The following RPH3AL variants were observed in gnomAD, a reference collection of about 807,000 sequenced individuals.
RPH3AL encodes rabphilin 3A like (without C2 domains), also known as rab effector Noc2.
A neutral mutation model predicts 43.1 loss-of-function variants in RPH3AL; 38 were observed. The ratio of observed to expected loss-of-function variants is 0.88; its 90% CI spans 0.68 to 1.15. The LOEUF (loss-of-function observed/expected upper bound fraction) is 1.15. Ranked by LOEUF, RPH3AL falls within the 50% of genes most tolerant of loss-of-function variation. The probability of loss-of-function intolerance (pLI) is 0.00; values close to 1 mark genes in which losing one functional copy is unlikely to be tolerated. For synonymous variants in RPH3AL, 189 were observed against 176.3 expected (o/e 1.07, Z -0.57); for missense variants, 462 against 423.2 (o/e 1.09, Z -0.81).
chr17:325,844 C>G (rs1050088319), intron 3 of RPH3AL, among the ~76,000 whole-genome samples: 3 of 152,158 alleles, frequency 2.0e-5, no homozygotes, highest in African/African-American at 7.2e-5. Flanking sequence ...CCCTGAGGGT[C>G]CCACGGGACA....
chr17:228,154 G>A (rs2041147974), intron 7 of RPH3AL, among the ~76,000 whole-genome samples: 1 of 152,182 alleles, frequency 6.6e-6, no homozygotes, highest in Admixed American at 6.5e-5. Flanking sequence ...GACTTGGGTT[G>A]GTGTCCTGCC....
At chr17:275,870 A>G (rs1485918689) in intron 6 of RPH3AL, among the ~76,000 whole-genome samples, 1 of 152,194 alleles carries the variant, frequency 6.6e-6, no homozygotes, top group East Asian at 1.9e-4. Context: ...TGTTTATTTA[A>G]ATCTTGAACA....
intron 6 of RPH3AL, among the ~76,000 whole-genome samples, chr17:271,047 T>G (rs1434893480): frequency 2.6e-5 from 4 of 152,170 alleles, no homozygotes; most frequent in African/African-American, 4.8e-5. Flanking sequence ...TTTCCCCATT[T>G]CTTGTTTTTG....
intron 2 of RPH3AL, chr17:331,330 G>T: frequency 2.3e-5 from 1 of 43,964 alleles, no homozygotes; most frequent in Non-Finnish European, 4.9e-5. Context: ...ACGGAAGGAT[G>T]TCGCCTCCAG....
intron 6 of RPH3AL, among the ~76,000 whole-genome samples, chr17:275,763 T>TC (rs1265332596): frequency 3.1e-4 from 47 of 152,208 alleles, no homozygotes; most frequent in Non-Finnish European, 1.5e-5. Context: ...CCCAGGCTGG[T>TC]CTCAAGCTCC....
In RPH3AL at chr17:215,529, G is replaced by C; in HGVS notation, c.876+125C>G. The stretch of plus-strand genomic sequence containing the variant: ...CTGGCTCACCTTGTTCCCCCGCACA[G>C]TGCTTGGTAAACAACATGCAGAATT... On this transcript the variant is annotated intron_variant, in intron 9 of 9. Transcript: ENST00000331302. The surrounding 1 kb of genome is among the most constrained non-coding windows in gnomAD (Gnocchi z 4.1). 1.1e-6 allele frequency: 1 copy of C among 922,266 alleles called. No individual in the cohort carries two copies. The highest frequency in any genetic ancestry group is 1.4e-6 in the Non-Finnish European group (1 of 702,720). 57.1% of individuals were successfully genotyped at this position (922,266 alleles called of 1,614,324 possible).
At position 333,174 on chromosome 17, in the gene RPH3AL, GC is replaced by G; in HGVS notation, c.-37+584del. ...CTCACCACCCCGGGCGTTCGTCACT[GC>G]AGACATCACTGCAGACACAGAGAAG... On this transcript the variant is annotated intron_variant, in intron 2 of 9. Transcript: ENST00000331302. The surrounding 1 kb of genome is among the most constrained non-coding windows in gnomAD (Gnocchi z 4.5). The G allele has an allele frequency of 8.5e-7, 1 of 1,182,028 alleles. No homozygotes were observed. The highest frequency in any genetic ancestry group is 1.1e-6 in the Non-Finnish European group (1 of 935,980). 73.2% of individuals were successfully genotyped at this position (1,182,028 alleles called of 1,614,324 possible).
chr17:306,741 C>A (rs62053683), intron 5 of RPH3AL: 1 of 153,090 alleles, frequency 6.5e-6, no homozygotes, highest in African/African-American at 2.4e-5. Context: ...CCCCTGCGCC[C>A]GGCACACAGA....
chr17:313,412 C>T (rs917879576), intron 5 of RPH3AL, among the ~76,000 whole-genome samples: 8 of 152,264 alleles, frequency 5.3e-5, no homozygotes, highest in Non-Finnish European at 1.2e-4. Flanking sequence ...CTCTCTGCCC[C>T]AGATGCCACC....
intron 5 of RPH3AL, among the ~76,000 whole-genome samples, chr17:300,681 C>T (rs1555564914): frequency 6.8e-6 from 1 of 146,536 alleles, no homozygotes; most frequent in Non-Finnish European, 1.5e-5. Flanking sequence ...ATCTCTCACC[C>T]GCTCTAGCAG....
At chr17:301,388 T>C (rs1046796811) in intron 5 of RPH3AL, among the ~76,000 whole-genome samples, 2 of 152,174 alleles carry the variant, frequency 1.3e-5, no homozygotes, top group African/African-American at 4.8e-5. Flanking sequence ...ACTGTAGCTT[T>C]AACCTCCCAG....
In RPH3AL at chr17:232,763, T is replaced by C. The variant is rs777853882; in HGVS notation, c.614-13027A>G. Among the ~76,000 whole-genome samples, 69 of 152,040 alleles carry C rather than the reference T, an allele frequency of 4.5e-4. 1 individual carries two copies. The highest frequency in any genetic ancestry group is 2.3e-3 in the South Asian group (11 of 4,820). On this transcript the variant is annotated intron_variant, in intron 7 of 9. Coordinates refer to ENST00000331302, the MANE Select transcript of RPH3AL (RefSeq NM_006987.4). The stretch of plus-strand genomic sequence containing the variant: ...CTTCCAAGGTGCCACACAGGGCCTG[T>C]GGTGCCGTTCTCAGGTGGTTCAAAG...
intron 7 of RPH3AL, among the ~76,000 whole-genome samples, chr17:237,436 G>A (rs2041424757): frequency 6.6e-6 from 1 of 152,196 alleles, no homozygotes; most frequent in South Asian, 2.1e-4. Flanking sequence ...CCCCTCTGGG[G>A]AAGGATGGAC....
chr17:222,826 C>T (rs2041023210), intron 7 of RPH3AL, among the ~76,000 whole-genome samples: 1 of 152,164 alleles, frequency 6.6e-6, no homozygotes, highest in African/African-American at 2.4e-5. Context: ...CCATTTCTTC[C>T]TCTTGGTTTC....
chr17:337,593 C>T (rs930717664), intron 1 of RPH3AL, among the ~76,000 whole-genome samples: 2 of 152,212 alleles, frequency 1.3e-5, no homozygotes, highest in African/African-American at 2.4e-5. Flanking sequence ...CCCAGGACCC[C>T]GTCCAGGAGG....
At chr17:291,462 C>T (rs1467560797) in intron 5 of RPH3AL, among the ~76,000 whole-genome samples, 9 of 152,086 alleles carry the variant, frequency 5.9e-5, no homozygotes, top group South Asian at 2.1e-4. Context: ...GAGTTGAAAT[C>T]GGCAGGTGAG....
At chr17:269,334 T>C (rs534200690) in intron 6 of RPH3AL, among the ~76,000 whole-genome samples, 25 of 152,314 alleles carry the variant, frequency 1.6e-4, no homozygotes, top group African/African-American at 5.1e-4. Flanking sequence ...CAGCATCTAG[T>C]GTATGATACG....
In RPH3AL at chr17:304,163, GGGGCA is replaced by G. The variant is rs1476354442; in HGVS notation, c.351+15252_351+15256del. On this transcript the variant is annotated intron_variant, in intron 5 of 9. Coordinates refer to ENST00000331302, the MANE Select transcript of RPH3AL (RefSeq NM_006987.4). ...CAGTGACCGTGTCTCAGGAAAGAGTGGGGCAGGGAGGGAGGCTGTACTGAGGTTTT... is the reference window on the plus strand; with the variant it reads ...CAGTGACCGTGTCTCAGGAAAGAGTGGGGAGGGAGGCTGTACTGAGGTTTT... Among the ~76,000 whole-genome samples, 58 of 774 alleles carry G rather than the reference GGGGCA, an allele frequency of 0.075. 25 individuals carry two copies. The East Asian group carries it at 0.77, about 10-fold the overall frequency. 0.5% of individuals were successfully genotyped at this position (774 alleles called of 152,430 possible). A position where few individuals can be genotyped will look rare whatever the true frequency, so the allele number is the denominator to read the frequency against.
At position 331,350 on chromosome 17, in the gene RPH3AL, C is replaced by T. The variant is rs1310352478; in HGVS notation, c.-37+2409G>A. The T allele has an allele frequency of 1.0e-4, 6 of 58,138 alleles. No homozygotes were observed. In the Admixed American group the frequency reaches 2.0e-3, roughly 19 times the overall value. The allele number at this position is 58,138 out of a possible 1,614,324, so 3.6% of individuals were successfully genotyped here. On this transcript the variant is annotated intron_variant, in intron 2 of 9. Transcript: ENST00000331302. ...AGGATGTCGCCTCCAGAGCTGGGGCCACGGGCAGCGCCAGGGCAGGTTCAT... is the reference window on the plus strand; with the variant it reads ...AGGATGTCGCCTCCAGAGCTGGGGCTACGGGCAGCGCCAGGGCAGGTTCAT...
Sources: gnomAD v4.1 joint callset for allele counts (sites outside exome capture counted in the v4.1 genomes callset) on GRCh38, gnomAD v4.1.1 for gene constraint, Gnocchi (gnomAD v3.1) non-coding constraint, MANE v1.5 for transcripts, NCBI Gene and HGNC (gene_info 2026-07-23, HGNC 2026-07-21) for gene names.